The following ELMO1 variants were observed in gnomAD, a reference collection of about 807,000 sequenced individuals.
ELMO1 encodes the protein engulfment and cell motility 1.
ELMO1 carries 26 observed loss-of-function variants against 98.9 expected under a neutral mutation model. That is an observed-to-expected ratio of 0.26 (90% CI 0.19 to 0.36). The LOEUF (loss-of-function observed/expected upper bound fraction) is 0.36. ELMO1 is among the 10% of genes least tolerant of loss of function. ELMO1 has a pLI of 1.00. For synonymous variants in ELMO1, 346 were observed against 346.0 expected, an observed-to-expected ratio of 1.00 and a Z score of 0.00; for missense variants, 627 against 935.2, an observed-to-expected ratio of 0.67 and a Z score of 4.30.
chr7:36,984,367 T>C (rs1429335736), intron 16 of ELMO1, among the ~76,000 whole-genome samples: 1 of 152,254 alleles, frequency 6.6e-6, no homozygotes, highest in South Asian at 2.1e-4. Context: ...GTGTCCCTGA[T>C]GCATTGTCAC....
intron 16 of ELMO1, among the ~76,000 whole-genome samples, chr7:36,944,766 C>T (rs1488272874): frequency 6.6e-6 from 1 of 152,142 alleles, no homozygotes; most frequent in Non-Finnish European, 1.5e-5. Context: ...AGGAAGTGTT[C>T]CCAGCCCTTA....
chr7:37,104,010 C>CAAAAAAA (rs35979251), intron 14 of ELMO1, among the ~76,000 whole-genome samples: 411 of 29,012 alleles, frequency 0.014, 23 homozygotes, highest in Non-Finnish European at 0.02. Context: ...GACTCCATCT[C>CAAAAAAA]AAAAAAAAAA....
intron 15 of ELMO1, among the ~76,000 whole-genome samples, chr7:37,040,650 C>T (rs1487151398): frequency 6.6e-6 from 1 of 152,152 alleles, no homozygotes; most frequent in African/African-American, 2.4e-5. Context: ...AATGTTACTG[C>T]CTGTTAGTGT....
At chr7:37,142,600 G>A (rs192401526) in intron 13 of ELMO1, among the ~76,000 whole-genome samples, 11 of 152,272 alleles carry the variant, frequency 7.2e-5, no homozygotes, top group East Asian at 1.9e-4. Flanking sequence ...AGTTGAATGC[G>A]TTTATTTTGG....
chr7:37,231,993 C>T (rs1290113218), intron 8 of ELMO1, among the ~76,000 whole-genome samples: 4 of 152,110 alleles, frequency 2.6e-5, no homozygotes, highest in African/African-American at 9.7e-5. Flanking sequence ...GGCGGGATTA[C>T]AGGCTCCCAC....
At chr7:37,215,021 A>G (rs890124057) in intron 11 of ELMO1, among the ~76,000 whole-genome samples, 1 of 152,238 alleles carries the variant, frequency 6.6e-6, no homozygotes, top group African/African-American at 2.4e-5. Context: ...CTGAGAGCCA[A>G]TATAAAGAAG....
chr7:36,929,939 T>C (rs1785899026), intron 16 of ELMO1, among the ~76,000 whole-genome samples: 1 of 152,302 alleles, frequency 6.6e-6, no homozygotes, highest in Non-Finnish European at 1.5e-5. Flanking sequence ...AGTCTGCTGC[T>C]CCATGAGATC....
intron 15 of ELMO1, among the ~76,000 whole-genome samples, chr7:37,089,002 A>G (rs1303108708): frequency 6.6e-6 from 1 of 152,244 alleles, no homozygotes; most frequent in Non-Finnish European, 1.5e-5. Context: ...TTTGGAGAAA[A>G]AAAAAGGTCC....
chr7:37,252,776 C>T (rs1441129545), intron 6 of ELMO1, among the ~76,000 whole-genome samples: 1 of 152,130 alleles, frequency 6.6e-6, no homozygotes, highest in East Asian at 1.9e-4. Flanking sequence ...AGGAAACTAT[C>T]ATCAGAGTGA....
At chr7:36,980,128 G>A (rs1457048746) in intron 16 of ELMO1, among the ~76,000 whole-genome samples, 1 of 152,156 alleles carries the variant, frequency 6.6e-6, no homozygotes, top group African/African-American at 2.4e-5. Flanking sequence ...ACACCTCCAC[G>A]GAACAGCTGA....
chr7:37,193,878 ACT>A (rs1234969005), intron 13 of ELMO1, among the ~76,000 whole-genome samples: 2 of 152,130 alleles, frequency 1.3e-5, no homozygotes, highest in African/African-American at 4.8e-5. Flanking sequence ...TAAACATGTG[ACT>A]CTAGTACACA....
chr7:37,064,638 GTTA>G (rs1304883808), intron 15 of ELMO1, among the ~76,000 whole-genome samples: 1 of 152,180 alleles, frequency 6.6e-6, no homozygotes, highest in Non-Finnish European at 1.5e-5. Flanking sequence ...AATTATCACT[GTTA>G]TTATGAATCT....
chr7:37,045,251 T>C (rs1046298074), intron 15 of ELMO1, among the ~76,000 whole-genome samples: 16 of 152,346 alleles, frequency 1.1e-4, no homozygotes, highest in Admixed American at 2.0e-4. Flanking sequence ...CTACTATTAC[T>C]ATTACTAATG....
At chr7:37,424,961 G>A (rs1804641142) in intron 1 of ELMO1, among the ~76,000 whole-genome samples, 1 of 152,086 alleles carries the variant, frequency 6.6e-6, no homozygotes, top group South Asian at 2.1e-4. Context: ...TATTGAGGCT[G>A]TGTTATCACT....
At chr7:37,029,120 C>A (rs750892463) in intron 15 of ELMO1, among the ~76,000 whole-genome samples, 1 of 152,160 alleles carries the variant, frequency 6.6e-6, no homozygotes, top group Non-Finnish European at 1.5e-5. Flanking sequence ...AGGAGGCAAG[C>A]AGCTTTCAGA....
Position 37,060,914 on chromosome 7 carries a change from G to T in ELMO1, c.1300+35705C>A, listed in dbSNP as rs1282277296. Among the ~76,000 whole-genome samples the T allele has an allele frequency of 4.6e-5, 7 of 152,120 alleles. No individual in the cohort carries two copies. The East Asian group carries it at 1.4e-3, about 29-fold the overall frequency. Reference sequence around the variant, plus strand: ...AGAGGGGAGGACAGAGACACAGAAGGTTTCTGTCCACAGAGGCTCCTACAC... The same window carrying T: ...AGAGGGGAGGACAGAGACACAGAAGTTTTCTGTCCACAGAGGCTCCTACAC... On this transcript the variant is annotated intron_variant, in intron 15 of 21. Transcript: ENST00000310758.
intron 1 of ELMO1, among the ~76,000 whole-genome samples, chr7:37,348,845 C>T (rs560255654): frequency 6.6e-6 from 1 of 152,288 alleles, no homozygotes; most frequent in East Asian, 1.9e-4. Flanking sequence ...CACAAAGGTC[C>T]CAAATACCTG....
chr7:37,392,520 T>C (rs1803124940), intron 1 of ELMO1, among the ~76,000 whole-genome samples: 1 of 152,206 alleles, frequency 6.6e-6, no homozygotes, highest in South Asian at 2.1e-4. Flanking sequence ...CCATGAAATC[T>C]GAGCAAATTG....
intron 2 of ELMO1, among the ~76,000 whole-genome samples, chr7:37,337,991 C>T (rs1412256545): frequency 6.6e-6 from 1 of 152,136 alleles, no homozygotes; most frequent in Non-Finnish European, 1.5e-5. Flanking sequence ...TTAATTTTTT[C>T]TCCTTCCTAA....
Sources: allele counts gnomAD v4.1 joint callset (sites outside exome capture counted in the v4.1 genomes callset), GRCh38; gene constraint gnomAD v4.1.1; transcripts MANE v1.5; gene names NCBI Gene and HGNC (gene_info 2026-07-23, HGNC 2026-07-21).